CNTNAP4: variants seen among roughly 807,000 people sequenced by gnomAD.
CNTNAP4 encodes the protein contactin-associated protein-like 4.
A neutral mutation model predicts 148.4 loss-of-function variants in CNTNAP4; 98 were observed. The observed-to-expected ratio is 0.66, with a 90% CI of 0.56 to 0.78. CNTNAP4 has a LOEUF of 0.78. Among genes scored for constraint, CNTNAP4 ranks in the 30% least tolerant of loss-of-function variants. The pLI is 0.00. For synonymous variants in CNTNAP4, 730 were observed against 565.1 expected, an observed-to-expected ratio of 1.29 and a Z score of -4.14; for missense variants, 1,935 against 1,565.6, an observed-to-expected ratio of 1.24 and a Z score of -3.98.
intron 13 of CNTNAP4, among the ~76,000 whole-genome samples, chr16:76,493,790 G>T (rs770104409): frequency 2.6e-5 from 4 of 152,142 alleles, no homozygotes; most frequent in African/African-American, 4.8e-5. Flanking sequence ...CTCTTTGCTG[G>T]TTTTTTGTTT....
At chr16:76,349,096 G>C (rs886274753) in intron 2 of CNTNAP4, among the ~76,000 whole-genome samples, 3 of 152,124 alleles carry the variant, frequency 2.0e-5, no homozygotes, top group Admixed American at 6.6e-5. Context: ...TGCAGGCACA[G>C]CAGGACCTAG....
At chr16:76,464,605 C>T (rs2081111369) in intron 9 of CNTNAP4, among the ~76,000 whole-genome samples, 1 of 152,178 alleles carries the variant, frequency 6.6e-6, no homozygotes, top group Admixed American at 6.5e-5. Context: ...CACGTCTCAT[C>T]AGTTCTCCTT....
At chr16:76,382,106 G>A (rs1232182315) in intron 3 of CNTNAP4, among the ~76,000 whole-genome samples, 1 of 141,614 alleles carries the variant, frequency 7.1e-6, no homozygotes, top group East Asian at 2.2e-4. Flanking sequence ...TTACCTTTAT[G>A]ATAAACTATA....
Position 76,521,157 on chromosome 16 carries a change from G to A in CNTNAP4, c.2383G>A (p.Ala795Thr). ...CQGDRSFWNS[A>T]SFDTEASYLH... The stretch of plus-strand genomic sequence containing the variant: ...CAAAACAGGATCATTTTGGAATTCA[G>A]CTTCCTTTGATACCGAGGCTTCATA... The change falls in exon 16 of 24, where the codon GCT (alanine) becomes ACT (threonine). Residue 795 changes from alanine to threonine, a missense_variant. Transcript: ENST00000611870. 2.5e-6 allele frequency: 4 copies of A among 1,580,794 alleles called. No individual in the cohort carries two copies. The highest frequency in any genetic ancestry group is 1.7e-6 in the Non-Finnish European group (2 of 1,169,478).
At chr16:76,341,571 T>G (rs1964472502) in intron 2 of CNTNAP4, among the ~76,000 whole-genome samples, 1 of 152,210 alleles carries the variant, frequency 6.6e-6, no homozygotes, top group South Asian at 2.1e-4. Flanking sequence ...GCTAGAATTA[T>G]GTGGCCATCT....
At chr16:76,391,298 A>G (rs894143496) in intron 3 of CNTNAP4, among the ~76,000 whole-genome samples, 21 of 152,196 alleles carry the variant, frequency 1.4e-4, no homozygotes, top group African/African-American at 5.1e-4. Context: ...AAATGTTCGC[A>G]TTTGACGTTT....
At chr16:76,347,283 A>G (rs149411103) in intron 2 of CNTNAP4, among the ~76,000 whole-genome samples, 1 of 152,192 alleles carries the variant, frequency 6.6e-6, no homozygotes, top group East Asian at 1.9e-4. Flanking sequence ...AGTAGGTTGT[A>G]TAAATTTAGA....
intron 3 of CNTNAP4, among the ~76,000 whole-genome samples, chr16:76,372,206 C>A (rs527777688): frequency 1.4e-5 from 2 of 145,694 alleles, no homozygotes; most frequent in African/African-American, 5.1e-5. Context: ...GTGGCGCAAT[C>A]TCGGTTCACT....
intron 1 of CNTNAP4, among the ~76,000 whole-genome samples, chr16:76,298,646 C>T (rs918192675): frequency 6.6e-6 from 1 of 152,054 alleles, no homozygotes; most frequent in East Asian, 1.9e-4. Context: ...AGTAAACACA[C>T]CCTTAAAGTA....
At chr16:76,441,736 C>T (rs545990010) in intron 4 of CNTNAP4, among the ~76,000 whole-genome samples, 5 of 152,242 alleles carry the variant, frequency 3.3e-5, no homozygotes, top group Middle Eastern at 3.4e-3. Context: ...GTCACAAATA[C>T]ACCAAATGTA....
At chr16:76,472,781 A>G (rs1597656720) in intron 10 of CNTNAP4, among the ~76,000 whole-genome samples, 1 of 152,170 alleles carries the variant, frequency 6.6e-6, no homozygotes, top group East Asian at 1.9e-4. Flanking sequence ...AAAGGGGAAC[A>G]ACACTTACTG....
chr16:76,450,675 C>G (rs1171584452), intron 7 of CNTNAP4, among the ~76,000 whole-genome samples: 1 of 152,204 alleles, frequency 6.6e-6, no homozygotes, highest in Non-Finnish European at 1.5e-5. Flanking sequence ...CAAGCAAATA[C>G]AGGTTGTGTT....
intron 2 of CNTNAP4, among the ~76,000 whole-genome samples, chr16:76,328,375 C>A (rs1298247608): frequency 6.6e-6 from 1 of 152,110 alleles, no homozygotes; most frequent in Non-Finnish European, 1.5e-5. Context: ...CAGCCATTCT[C>A]AGAAATGTTA....
intron 3 of CNTNAP4, among the ~76,000 whole-genome samples, chr16:76,425,414 A>G (rs963977003): frequency 2.0e-5 from 3 of 152,186 alleles, no homozygotes; most frequent in Non-Finnish European, 4.4e-5. Context: ...TATTTTATTG[A>G]GAACCACTTT....
At chr16:76,438,171 A>C (rs752742515) in intron 4 of CNTNAP4, among the ~76,000 whole-genome samples, 30 of 152,128 alleles carry the variant, frequency 2.0e-4, no homozygotes, top group Admixed American at 7.2e-4. Flanking sequence ...GAAATTGAGT[A>C]GGGAATATTT....
At position 76,444,235 on chromosome 16, in the gene CNTNAP4, C is replaced by A. The variant is rs188544797; in HGVS notation, c.539-3777C>A. Among the ~76,000 whole-genome samples, 7 of 152,206 alleles carry A rather than the reference C, an allele frequency of 4.6e-5. No homozygotes were observed. In the East Asian group the frequency reaches 1.2e-3, roughly 25 times the overall value. ...GTTTCTACCAGACAGAAGCAATTTGCATCTCTACTGAGCAAAAATCTACAG... is the reference window on the plus strand; with the variant it reads ...GTTTCTACCAGACAGAAGCAATTTGAATCTCTACTGAGCAAAAATCTACAG... On this transcript the variant is annotated intron_variant, in intron 4 of 23. Transcript: ENST00000611870.
In CNTNAP4 at chr16:76,426,710, C is replaced by G. The variant is rs191551362; in HGVS notation, c.391-742C>G. 2.0e-4 allele frequency among the ~76,000 whole-genome samples: 30 copies of G among 152,236 alleles called. 1 individual carries two copies. Among genetic ancestry groups the G allele is most frequent in the Admixed American group, 1.5e-3 (23 of 15,282 alleles). ...ATGTAATGGTTGCAATGGTTGCAAA[C>G]ACTGGAGGGATTTTTTTTTCTTTCC... On this transcript the variant is annotated intron_variant, in intron 3 of 23. Coordinates refer to ENST00000611870, the MANE Select transcript of CNTNAP4 (RefSeq NM_033401.5).
chr16:76,522,136 T>C lies in CNTNAP4; in HGVS notation c.2634T>C (p.His878=), dbSNP rs757947983. 4 of 1,613,900 alleles carry C rather than the reference T, an allele frequency of 2.5e-6. No individual in the cohort carries two copies. The highest frequency in any genetic ancestry group is 3.4e-6 in the Non-Finnish European group (4 of 1,179,844). The change falls in exon 17 of 24, where the codon CAT becomes CAC. Residue 878 remains histidine, a synonymous_variant. Transcript: ENST00000611870. ...ACTTCAACGACAACCAGTGGCACCATGTGAGGGTTGAAAGGAACATGAAGG... is the reference window on the plus strand; with the variant it reads ...ACTTCAACGACAACCAGTGGCACCACGTGAGGGTTGAAAGGAACATGAAGG... ...PTHFNDNQWH[H]VRVERNMKEA... is the part of the protein sequence containing the mutation.
chr16:76,474,711 A>C (rs1055546133), intron 10 of CNTNAP4, among the ~76,000 whole-genome samples: 8 of 152,160 alleles, frequency 5.3e-5, no homozygotes, highest in African/African-American at 1.9e-4. Context: ...GGGCTATTTG[A>C]GTCAATAACA....
Sources: allele counts gnomAD v4.1 joint callset (sites outside exome capture counted in the v4.1 genomes callset), GRCh38; gene constraint gnomAD v4.1.1; transcripts MANE v1.5; gene names NCBI Gene and HGNC (gene_info 2026-07-23, HGNC 2026-07-21).